Variants in FRMD4A observed in about 807,000 individuals in gnomAD.
The protein encoded by FRMD4A is FERM domain containing 4A.
In FRMD4A, 29 loss-of-function variants were observed where a neutral mutation model predicts 129.1. The observed-to-expected ratio is 0.22, with a 90% CI of 0.17 to 0.31. FRMD4A has a LOEUF of 0.31. Ranked by LOEUF, FRMD4A falls within the 10% of genes least tolerant of loss-of-function variation. The pLI, the probability that FRMD4A is intolerant of heterozygous loss-of-function variation, is 1.00. For synonymous variants in FRMD4A, 634 were observed against 571.6 expected, an observed-to-expected ratio of 1.11 and a Z score of -1.56; for missense variants, 1,272 against 1,375.8, an observed-to-expected ratio of 0.92 and a Z score of 1.19.
intron 12 of FRMD4A, among the ~76,000 whole-genome samples, chr10:13,733,442 T>G (rs867013397): frequency 6.5e-5 from 7 of 107,078 alleles, no homozygotes; most frequent in South Asian, 7.0e-4. Flanking sequence ...AAAGGCCTGG[T>G]TTTTTTTTTG....
chr10:13,776,134 G>A (rs1191934921), intron 6 of FRMD4A, among the ~76,000 whole-genome samples: 10 of 151,850 alleles, frequency 6.6e-5, no homozygotes, highest in South Asian at 4.2e-4. Context: ...ACAAAGTCTC[G>A]CTCTGTCCAC....
chr10:14,016,170 C>T (rs2095698549), intron 2 of FRMD4A, among the ~76,000 whole-genome samples: 1 of 152,264 alleles, frequency 6.6e-6, no homozygotes, highest in Non-Finnish European at 1.5e-5. Context: ...ACCTGGCCCT[C>T]TTCCAGGGCA....
At chr10:14,311,362 A>G (rs1053058378) in intron 2 of FRMD4A, among the ~76,000 whole-genome samples, 5 of 152,180 alleles carry the variant, frequency 3.3e-5, no homozygotes, top group African/African-American at 1.2e-4. Context: ...GAAGGGTCAC[A>G]TTTTCTAAGA....
intron 12 of FRMD4A, among the ~76,000 whole-genome samples, chr10:13,736,914 GA>G (rs201799527): frequency 0.012 from 1,849 of 151,290 alleles, 60 homozygotes; most frequent in South Asian, 0.1. Context: ...TGAAAACAGA[GA>G]AAATTCAAAC....
chr10:13,661,731 G>T (rs891101933), intron 19 of FRMD4A, among the ~76,000 whole-genome samples: 2 of 152,168 alleles, frequency 1.3e-5, no homozygotes, highest in South Asian at 4.1e-4. Flanking sequence ...GCATTGAGAA[G>T]AGAGAGGAGG....
At chr10:14,117,089 A>G (rs1173704765) in intron 2 of FRMD4A, among the ~76,000 whole-genome samples, 1 of 152,246 alleles carries the variant, frequency 6.6e-6, no homozygotes, top group African/African-American at 2.4e-5. Flanking sequence ...GACTGAGTAC[A>G]GCAGAGATAC....
At chr10:13,927,263 A>G (rs74870244) in intron 2 of FRMD4A, among the ~76,000 whole-genome samples, 142 of 145,766 alleles carry the variant, frequency 9.7e-4, no homozygotes, top group African/African-American at 3.3e-3. Flanking sequence ...AAAAAAAAAG[A>G]AAAAAAAAAT....
At chr10:13,949,219 T>C (rs2095354737) in intron 2 of FRMD4A, among the ~76,000 whole-genome samples, 1 of 148,992 alleles carries the variant, frequency 6.7e-6, no homozygotes, top group Non-Finnish European at 1.5e-5. Flanking sequence ...GTTCTGCTAT[T>C]GACAATCAGG....
At chr10:13,716,205 T>C (rs2088786930) in intron 12 of FRMD4A, among the ~76,000 whole-genome samples, 1 of 152,216 alleles carries the variant, frequency 6.6e-6, no homozygotes, top group Non-Finnish European at 1.5e-5. Context: ...TGTTTATTCC[T>C]AGTCTTATTG....
At chr10:13,890,432 G>A (rs1246207422) in intron 2 of FRMD4A, 2 of 680,002 alleles carry the variant, frequency 2.9e-6, no homozygotes, top group East Asian at 1.4e-4. Context: ...CTCTCTGAGC[G>A]GTGCTTTCCC....
At chr10:14,057,315 A>AT (rs1834580808) in intron 2 of FRMD4A, among the ~76,000 whole-genome samples, 1 of 152,246 alleles carries the variant, frequency 6.6e-6, no homozygotes, top group South Asian at 2.1e-4. Flanking sequence ...TAAAAGAGAG[A>AT]CTTCCCCCCC....
intron 2 of FRMD4A, among the ~76,000 whole-genome samples, chr10:14,145,015 T>C (rs1430437211): frequency 1.3e-5 from 2 of 152,162 alleles, no homozygotes; most frequent in Non-Finnish European, 2.9e-5. Flanking sequence ...GATTAGATTG[T>C]GGTGGGAGCA....
rs144289741 is a variant in FRMD4A, at chr10:14,314,600, G to A, written c.45+15458C>T. Among the ~76,000 whole-genome samples the A allele has an allele frequency of 3.9e-3, 593 of 152,244 alleles. 5 individuals carry two copies. Among genetic ancestry groups the A allele is most frequent in the African/African-American group, 0.012 (498 of 41,542 alleles). ...TTTTGGACACAGGTGCAAGGGATAC[G>A]ATGCTTAGAGCTGCTGCAGCCATCT... On this transcript the variant is annotated intron_variant, in intron 2 of 24. Transcript: ENST00000357447.
intron 2 of FRMD4A, among the ~76,000 whole-genome samples, chr10:14,305,941 A>C (rs1846336290): frequency 6.6e-6 from 1 of 152,176 alleles, no homozygotes; most frequent in Non-Finnish European, 1.5e-5. Context: ...ATGGACACAT[A>C]GGGAGAAACA....
At chr10:14,130,767 G>A (rs575117685) in intron 2 of FRMD4A, among the ~76,000 whole-genome samples, 17 of 152,186 alleles carry the variant, frequency 1.1e-4, no homozygotes, top group African/African-American at 2.4e-4. Context: ...TGCCTATATC[G>A]GTAAATACGA....
At chr10:13,760,474 G>A (rs1458732345) in intron 8 of FRMD4A, among the ~76,000 whole-genome samples, 1 of 151,738 alleles carries the variant, frequency 6.6e-6, no homozygotes, top group Non-Finnish European at 1.5e-5. Flanking sequence ...AGACATGACT[G>A]CACCACTGCA....
chr10:13,825,036 T>C (rs1166585439), intron 3 of FRMD4A, among the ~76,000 whole-genome samples: 5 of 152,122 alleles, frequency 3.3e-5, no homozygotes, highest in Admixed American at 2.6e-4. Context: ...AGACTCCCAG[T>C]AGATACCTGA....
chr10:14,152,117 CTTTTTTTTTTTTT>C (rs36023583), intron 2 of FRMD4A, among the ~76,000 whole-genome samples: 902 of 54,190 alleles, frequency 0.017, 40 homozygotes, highest in African/African-American at 0.062. Context: ...TTGTGTAGTG[CTTTTTTTTTTTTT>C]TTTTTTTTTT....
In FRMD4A at chr10:13,721,311, A is replaced by G. The variant is rs143579137; in HGVS notation, c.760-14198T>C. Among the ~76,000 whole-genome samples the G allele has an allele frequency of 5.5e-3, 831 of 152,230 alleles. 6 individuals are homozygous for G. Among genetic ancestry groups the G allele is most frequent in the African/African-American group, 0.019 (798 of 41,522 alleles). ...ACCCTGGCCAACATGGTGAAACCCC[A>G]TCTCTACTAAAAATACAAAAATTAG... On this transcript the variant is annotated intron_variant, in intron 12 of 24. Transcript: ENST00000357447.
Sources: gnomAD v4.1 joint callset for allele counts (sites outside exome capture counted in the v4.1 genomes callset) on GRCh38, gnomAD v4.1.1 for gene constraint, MANE v1.5 for transcripts, NCBI Gene and HGNC (gene_info 2026-07-23, HGNC 2026-07-21) for gene names.